SEL1L3: variants seen among roughly 807,000 people sequenced by gnomAD.
The protein encoded by SEL1L3 is protein sel-1 homolog 3.
SEL1L3 carries 76 observed loss-of-function variants against 142.8 expected under a neutral mutation model. The observed-to-expected ratio is 0.53, with a 90% CI of 0.44 to 0.64. The LOEUF (loss-of-function observed/expected upper bound fraction) is 0.64, where lower values mean the gene tolerates loss of function less well. Among genes scored for constraint, SEL1L3 ranks in the 30% least tolerant of loss-of-function variants. The pLI is 0.00. For missense variants in SEL1L3, 1,262 were observed against 1,381.7 expected (o/e 0.91, Z 1.37); for synonymous variants, 504 against 519.6 (o/e 0.97, Z 0.41).
downstream of SEL1L3, among the ~76,000 whole-genome samples, chr4:25,746,507 A>AATATATATATATATATATATAT (rs141668402): frequency 3.9e-5 from 4 of 101,542 alleles, no homozygotes; most frequent in African/African-American, 1.6e-4. Flanking sequence ...ATATTATCTA[A>AATATATATATATATATATATAT]ATATATATAT....
At chr4:25,762,489 T>C (rs1341885053) in intron 20 of SEL1L3, among the ~76,000 whole-genome samples, 1 of 152,334 alleles carries the variant, frequency 6.6e-6, no homozygotes, top group Non-Finnish European at 1.5e-5. Flanking sequence ...TAAGACATGG[T>C]AGGACTCTAT....
chr4:25,803,367 A>G (rs941164823), intron 10 of SEL1L3, among the ~76,000 whole-genome samples: 2 of 152,258 alleles, frequency 1.3e-5, no homozygotes, highest in Non-Finnish European at 2.9e-5. Flanking sequence ...CAGAGGCATC[A>G]TAAGCAAATA....
intron 20 of SEL1L3, among the ~76,000 whole-genome samples, chr4:25,763,735 G>A (rs1363436476): frequency 6.6e-6 from 1 of 152,074 alleles, no homozygotes; most frequent in Non-Finnish European, 1.5e-5. Context: ...AGCTACTTAG[G>A]AGGCTGAGGT....
chr4:25,834,134 C>T (rs1715615650), intron 3 of SEL1L3, among the ~76,000 whole-genome samples: 1 of 152,118 alleles, frequency 6.6e-6, no homozygotes, highest in South Asian at 2.1e-4. Context: ...CCTGGCTGAC[C>T]AATACGGAAC....
chr4:25,717,721 T>C, the SEL1L3 span, among the ~76,000 whole-genome samples: 3 of 152,192 alleles, frequency 2.0e-5, no homozygotes, highest in East Asian at 5.8e-4. Flanking sequence ...GAAGCAAAGA[T>C]GTTTTTGCCA....
the SEL1L3 span, among the ~76,000 whole-genome samples, chr4:25,739,249 T>C: frequency 6.6e-6 from 1 of 151,830 alleles, no homozygotes; most frequent in Non-Finnish European, 1.5e-5. Context: ...AAAAACAATG[T>C]CTGGAGGCAT....
chr4:25,770,122 T>A (rs1719051363), intron 17 of SEL1L3: 1 of 152,160 alleles, frequency 6.6e-6, no homozygotes, highest in Non-Finnish European at 1.5e-5. Flanking sequence ...AGCCAGATTC[T>A]GTCTCTAAAA....
chr4:25,759,908 GT>G (rs983776680), intron 20 of SEL1L3: 1 of 152,164 alleles, frequency 6.6e-6, no homozygotes, highest in East Asian at 1.9e-4. Context: ...TCAGGATCAT[GT>G]TTTTTGTGTT....
At chr4:25,798,091 C>T (rs574140984) in intron 11 of SEL1L3, among the ~76,000 whole-genome samples, 1 of 152,058 alleles carries the variant, frequency 6.6e-6, no homozygotes, top group Non-Finnish European at 1.5e-5. Context: ...TTTGGTGTTG[C>T]GAGTTTGGTT....
At chr4:25,751,989 A>T (rs1717623322) in intron 23 of SEL1L3, among the ~76,000 whole-genome samples, 1 of 150,588 alleles carries the variant, frequency 6.6e-6, no homozygotes, top group Non-Finnish European at 1.5e-5. Context: ...TGCATCTGTA[A>T]TCTCAGCTAC....
chr4:25,714,529 TTTCTTTCTTTCTTTCTTTCTTTC>T, the SEL1L3 span, among the ~76,000 whole-genome samples: 4 of 143,406 alleles, frequency 2.8e-5, no homozygotes, highest in African/African-American at 5.3e-5. Context: ...TCTTTCTTTC[TTTCTTTCTTTCTTTCTTTCTTTC>T]TTCTTTCTTT....
chr4:25,863,389 T>C, upstream of SEL1L3: 1 of 690,972 alleles, frequency 1.4e-6, no homozygotes, highest in Non-Finnish European at 2.6e-6. Flanking sequence ...TCTTTCTCCC[T>C]TCCCATCCTC....
At chr4:25,735,723 T>C in the SEL1L3 span, among the ~76,000 whole-genome samples, 1 of 151,924 alleles carries the variant, frequency 6.6e-6, no homozygotes, top group South Asian at 2.1e-4. Context: ...TTTTTTTTCT[T>C]TTTAAACCCA....
At chr4:25,808,793 T>C (rs1447469712) in intron 9 of SEL1L3, among the ~76,000 whole-genome samples, 2 of 12,076 alleles carry the variant, frequency 1.7e-4, no homozygotes, top group South Asian at 4.2e-3. Flanking sequence ...ATTTGGGCCA[T>C]GTGCAGTGGC....
At chr4:25,758,745 C>G (rs1718169282) in intron 21 of SEL1L3, among the ~76,000 whole-genome samples, 196 bp downstream of exon 21, 1 of 151,562 alleles carries the variant, frequency 6.6e-6, no homozygotes, top group African/African-American at 2.4e-5. Flanking sequence ...AACCCTTGAC[C>G]TCAAGTGATC....
At chr4:25,849,635 TAAC>T (rs1359938866) in intron 1 of SEL1L3, among the ~76,000 whole-genome samples, 2 of 152,192 alleles carry the variant, frequency 1.3e-5, no homozygotes, top group Non-Finnish European at 2.9e-5. Context: ...GGAATGTCCT[TAAC>T]ACCACTGAAC....
intron 14 of SEL1L3, among the ~76,000 whole-genome samples, chr4:25,783,344 CT>C (rs1173550845): frequency 1.3e-5 from 2 of 152,216 alleles, no homozygotes; most frequent in African/African-American, 2.4e-5. Flanking sequence ...TTTTAGGTCT[CT>C]CATTCCATGC....
chr4:25,806,041 G>GTTTTTTTTTTTTTTT (rs33956733), intron 9 of SEL1L3, among the ~76,000 whole-genome samples: 1 of 134,820 alleles, frequency 7.4e-6, no homozygotes, highest in Non-Finnish European at 1.6e-5. Flanking sequence ...TGTTTTGTTT[G>GTTTTTTTTTTTTTTT]TTTTTTTTTT....
chr4:25,733,889 T>C, the SEL1L3 span, among the ~76,000 whole-genome samples: 1 of 152,190 alleles, frequency 6.6e-6, no homozygotes. Context: ...CCTTGCTTTG[T>C]TCCAAATCTT....
Sources: allele counts gnomAD v4.1 joint callset (sites outside exome capture counted in the v4.1 genomes callset), GRCh38; gene constraint gnomAD v4.1.1; transcripts MANE v1.5; gene names NCBI Gene and HGNC (gene_info 2026-07-23, HGNC 2026-07-21).